Variants in ZBED4 observed in about 807,000 individuals in gnomAD.
ZBED4 encodes the protein zinc finger BED-type containing 4.
ZBED4 carries 4 observed loss-of-function variants against 15.5 expected under a neutral mutation model. The ratio of observed to expected loss-of-function variants is 0.26; its 90% CI spans 0.13 to 0.59. The LOEUF (loss-of-function observed/expected upper bound fraction) is 0.59, where lower values mean the gene tolerates loss of function less well. Ranked by LOEUF, ZBED4 falls within the 20% of genes least tolerant of loss-of-function variation. The pLI, the probability that ZBED4 is intolerant of heterozygous loss-of-function variation, is 0.90. For missense variants in ZBED4, 1,323 were observed against 1,461.8 expected (o/e 0.91, Z 1.55); for synonymous variants, 692 against 608.5 (o/e 1.14, Z -2.02).
intron 1 of ZBED4, among the ~76,000 whole-genome samples, chr22:49,875,072 T>C (rs917816409): frequency 5.5e-4 from 84 of 152,220 alleles, no homozygotes; most frequent in Non-Finnish European, 1.2e-3. Context: ...TAATTTAATT[T>C]GTTACAGTTT....
chr22:49,871,113 T>A (rs569259248), intron 1 of ZBED4, among the ~76,000 whole-genome samples: 6 of 151,874 alleles, frequency 4.0e-5, no homozygotes, highest in East Asian at 2.0e-4. Context: ...GCTAATATAT[T>A]TTTTTTTAGT....
chr22:49,885,532 T>A lies in ZBED4; in HGVS notation c.1870T>A (p.Ser624Thr). The change falls in exon 2 of 2, where the codon TCT (serine) becomes ACT (threonine). Residue 624 changes from serine (S) to threonine (T), a missense_variant. Transcript: ENST00000216268. ...TEVSETARPSSPDTRVPRGTE... is the reference protein window; with the variant it reads ...TEVSETARPSTPDTRVPRGTE... The stretch of plus-strand genomic sequence containing the variant: ...GGTCTCGGAGACGGCTCGGCCCTCC[T>A]CTCCGGACACCCGGGTGCCGCGGGG... 1 of 1,608,218 alleles carries A rather than the reference T, an allele frequency of 6.2e-7. No individual in the cohort carries two copies. The highest frequency in any genetic ancestry group is 1.1e-5 in the South Asian group (1 of 91,014).
chr22:49,875,091 A>AT (rs1328604489), intron 1 of ZBED4, among the ~76,000 whole-genome samples: 3 of 151,648 alleles, frequency 2.0e-5, no homozygotes, highest in Admixed American at 6.6e-5. Flanking sequence ...TTTGTTAAGG[A>AT]TTTTTTTTCT....
chr22:49,875,668 G>T (rs984463315), intron 1 of ZBED4, among the ~76,000 whole-genome samples: 11 of 152,042 alleles, frequency 7.2e-5, no homozygotes, highest in Non-Finnish European at 1.2e-4. Flanking sequence ...TGACCTACCT[G>T]TCTTGGCCTC....
At chr22:49,877,048 ATCAG>A (rs757902188) in intron 1 of ZBED4, among the ~76,000 whole-genome samples, 107 of 152,300 alleles carry the variant, frequency 7.0e-4, no homozygotes, top group Middle Eastern at 3.4e-3. Flanking sequence ...CACATTGAAA[ATCAG>A]TCAGATTTAC....
chr22:49,889,438 C>T lies in ZBED4; in HGVS notation c.*2260C>T, dbSNP rs1006421831. 6.0e-6 allele frequency: 1 copy of T among 167,082 alleles called. No homozygotes were observed. Among genetic ancestry groups the T allele is most frequent in the Non-Finnish European group, 1.5e-5 (1 of 68,140 alleles). 10.3% of individuals were successfully genotyped at this position (167,082 alleles called of 1,614,324 possible). On this transcript the variant is annotated 3_prime_UTR_variant, in exon 2 of 2. Coordinates refer to ENST00000216268, the MANE Select transcript of ZBED4 (RefSeq NM_014838.3). ...TTCCAGAATAGCAAGTTTGCTGGCC[C>T]TTGAGCTAGCCTGCCTTTATGGGGT...
chr22:49,881,128 G>A (rs910259825), intron 1 of ZBED4, among the ~76,000 whole-genome samples: 3 of 151,972 alleles, frequency 2.0e-5, no homozygotes, highest in Admixed American at 6.6e-5. Flanking sequence ...GGTGGATCAC[G>A]TGAGGTCAGG....
chr22:49,868,384 A>G (rs2060331220), intron 1 of ZBED4, among the ~76,000 whole-genome samples: 1 of 152,230 alleles, frequency 6.6e-6, no homozygotes, highest in Admixed American at 6.5e-5. Context: ...GTTCGACACC[A>G]GCCTGGGCAA....
At position 49,889,197 on chromosome 22, in the gene ZBED4, T is replaced by A. The variant is rs948925686; in HGVS notation, c.*2019T>A. ...GTCTCTAGTCTCACAGAGCATATAG[T>A]CTAGTCCACGATTGGCAAGCTGCAA... On this transcript the variant is annotated 3_prime_UTR_variant, in exon 2 of 2. Coordinates refer to ENST00000216268, the MANE Select transcript of ZBED4 (RefSeq NM_014838.3). 4.8e-5 allele frequency: 8 copies of A among 167,050 alleles called. No individual in the cohort carries two copies. The highest frequency in any genetic ancestry group is 1.9e-4 in the African/African-American group (8 of 41,446). The allele number at this position is 167,050 out of a possible 1,614,324, so 10.3% of individuals were successfully genotyped here.
intron 1 of ZBED4, among the ~76,000 whole-genome samples, chr22:49,881,695 T>C (rs1007696061): frequency 6.6e-6 from 1 of 152,274 alleles, no homozygotes; most frequent in South Asian, 2.1e-4. Context: ...TTTGTTTGTT[T>C]GTTTTGTTTT....
At chr22:49,864,971 G>A (rs1316155008) in intron 1 of ZBED4, among the ~76,000 whole-genome samples, 2 of 97,996 alleles carry the variant, frequency 2.0e-5, no homozygotes, top group East Asian at 6.9e-4. Flanking sequence ...AGAAACCACG[G>A]AGTCCAGCTA....
chr22:49,875,599 T>C lies in ZBED4; in HGVS notation c.-329-7735T>C, dbSNP rs2060372400. Among the ~76,000 whole-genome samples, 3 of 152,048 alleles carry C rather than the reference T, an allele frequency of 2.0e-5. No homozygotes were observed. In the South Asian group the frequency reaches 6.2e-4, roughly 32 times the overall value. On this transcript the variant is annotated intron_variant, in intron 1 of 1. Coordinates refer to ENST00000216268, the MANE Select transcript of ZBED4 (RefSeq NM_014838.3). ...CCACGCCCGGCTAATTTTTGTATTT[T>C]TAGTAGATACAGGGTTTCACCATGT...
intron 1 of ZBED4, among the ~76,000 whole-genome samples, chr22:49,864,943 C>CTCG (rs2060314138): frequency 9.2e-5 from 1 of 10,892 alleles, no homozygotes; most frequent in Admixed American, 9.4e-4. Flanking sequence ...GCAAGCCCCC[C>CTCG]CCCCCCCCCG....
At chr22:49,864,820 CAAAA>C (rs71196384) in intron 1 of ZBED4, among the ~76,000 whole-genome samples, 2 of 66,992 alleles carry the variant, frequency 3.0e-5, no homozygotes, top group East Asian at 4.4e-4. Context: ...ACCCTGTCTC[CAAAA>C]AAAAAAAAAA....
chr22:49,870,618 G>C (rs1338915615), intron 1 of ZBED4, among the ~76,000 whole-genome samples: 1 of 151,988 alleles, frequency 6.6e-6, no homozygotes, highest in Non-Finnish European at 1.5e-5. Flanking sequence ...CCACTTTTAT[G>C]TCTCCTTTCG....
intron 1 of ZBED4, among the ~76,000 whole-genome samples, chr22:49,878,752 G>C (rs149835766): frequency 0.016 from 2,367 of 152,116 alleles, 62 homozygotes; most frequent in African/African-American, 0.053. Flanking sequence ...ACTAGTAAAA[G>C]AATTAGAAGA....
chr22:49,887,128 A>C lies in ZBED4; in HGVS notation c.3466A>C (p.Lys1156Gln). The C allele has an allele frequency of 6.2e-7, 1 of 1,613,032 alleles. No homozygotes were observed. The highest frequency in any genetic ancestry group is 8.5e-7 in the Non-Finnish European group (1 of 1,179,688). Reference sequence around the variant, plus strand: ...CAGGCTCATGATGGAACATTTTGAAAAACTTATCTTTTTGAAAGTGAATCT... The same window carrying C: ...CAGGCTCATGATGGAACATTTTGAACAACTTATCTTTTTGAAAGTGAATCT... ...QSRLMMEHFE[K>Q]LIFLKVNLPL... The change falls in exon 2 of 2, where the codon AAA becomes CAA. Residue 1156 changes from lysine (K) to glutamine (Q), a missense_variant. Transcript: ENST00000216268.
chr22:49,858,299 G>T (rs1213589014), intron 1 of ZBED4, among the ~76,000 whole-genome samples: 1 of 152,180 alleles, frequency 6.6e-6, no homozygotes, highest in Non-Finnish European at 1.5e-5. Flanking sequence ...TGATGCTGCT[G>T]TGCACCCCCA....
intron 1 of ZBED4, among the ~76,000 whole-genome samples, chr22:49,862,280 C>A (rs567239079): frequency 6.6e-6 from 1 of 152,300 alleles, no homozygotes; most frequent in African/African-American, 2.4e-5. Flanking sequence ...CTCTGTCTTT[C>A]TTATTTTTTG....
Sources: gnomAD v4.1 joint callset for allele counts (sites outside exome capture counted in the v4.1 genomes callset) on GRCh38, gnomAD v4.1.1 for gene constraint, MANE v1.5 for transcripts, NCBI Gene and HGNC (gene_info 2026-07-23, HGNC 2026-07-21) for gene names.